The following HUNK variants were observed in gnomAD, a reference collection of about 807,000 sequenced individuals.
The protein encoded by HUNK is hormonally up-regulated neu tumor-associated kinase.
In HUNK, 21 loss-of-function variants were observed where a neutral mutation model predicts 61.0. The ratio of observed to expected loss-of-function variants is 0.34; its 90% CI spans 0.24 to 0.50. The LOEUF (loss-of-function observed/expected upper bound fraction) is 0.50, where lower values mean the gene tolerates loss of function less well. Ranked by LOEUF, HUNK falls within the 20% of genes least tolerant of loss-of-function variation. The pLI, the probability that HUNK is intolerant of heterozygous loss-of-function variation, is 0.98. For missense variants in HUNK, 772 were observed against 945.7 expected (o/e 0.82, Z 2.41); for synonymous variants, 371 against 386.1 (o/e 0.96, Z 0.46).
At position 31,957,599 on chromosome 21, in the gene HUNK, A is replaced by T. The variant is rs1001056108; in HGVS notation, c.747-1244A>T. On this transcript the variant is annotated intron_variant, in intron 4 of 10. Coordinates refer to ENST00000270112, the MANE Select transcript of HUNK (RefSeq NM_014586.2). Reference sequence around the variant, plus strand: ...TATATTCCCTTGGGCGCTTTTGAACACTTGAGACCTCTTGGTAGGCAGGCA... The same window carrying T: ...TATATTCCCTTGGGCGCTTTTGAACTCTTGAGACCTCTTGGTAGGCAGGCA... 2.0e-5 allele frequency among the ~76,000 whole-genome samples: 3 copies of T among 152,318 alleles called. No individual in the cohort carries two copies. The South Asian group carries it at 6.2e-4, about 32-fold the overall frequency.
chr21:31,897,887 GT>G (rs2052436177), intron 1 of HUNK, among the ~76,000 whole-genome samples: 1 of 152,100 alleles, frequency 6.6e-6, no homozygotes, highest in Admixed American at 6.5e-5. Flanking sequence ...GTTCCACCAT[GT>G]TCTATCTTTC....
At chr21:31,927,683 AAGC>A (rs1382635863) in intron 2 of HUNK, among the ~76,000 whole-genome samples, 1 of 151,996 alleles carries the variant, frequency 6.6e-6, no homozygotes, top group Non-Finnish European at 1.5e-5. Flanking sequence ...TCAGTGATGA[AAGC>A]AGCTCCAGGC....
chr21:31,963,617 C>G (rs1328768039), intron 5 of HUNK, among the ~76,000 whole-genome samples: 1 of 152,192 alleles, frequency 6.6e-6, no homozygotes, highest in African/African-American at 2.4e-5. Flanking sequence ...CCGCCTCAGC[C>G]TCCCAAGTAG....
intron 1 of HUNK, among the ~76,000 whole-genome samples, chr21:31,910,964 C>A (rs1479142051): frequency 6.6e-6 from 1 of 152,128 alleles, no homozygotes; most frequent in African/African-American, 2.4e-5. Flanking sequence ...TCAAGTTTTG[C>A]CTATTGGAAC....
chr21:31,937,579 AC>A (rs766247286), intron 2 of HUNK, among the ~76,000 whole-genome samples: 20 of 152,368 alleles, frequency 1.3e-4, no homozygotes, highest in Non-Finnish European at 2.4e-4. Context: ...GAACCACTGC[AC>A]AAGGACTCAA....
In HUNK at chr21:31,958,982, G is replaced by C. The variant is rs768828787; in HGVS notation, c.874+12G>C. On this transcript the variant is annotated intron_variant, in intron 5 of 10. Coordinates refer to ENST00000270112, the MANE Select transcript of HUNK (RefSeq NM_014586.2). ...TCAGCTCTCCACAGGTAATGCACCA[G>C]CTGCTCTAGATCACGGTTCAGGACT... 3.8e-6 allele frequency: 6 copies of C among 1,590,880 alleles called. No individual in the cohort carries two copies. The South Asian group carries it at 6.7e-5, about 18-fold the overall frequency.
chr21:32,001,492 G>A lies in HUNK; in HGVS notation c.*2308G>A, dbSNP rs951069168. The A allele has an allele frequency of 2.0e-5, 3 of 152,478 alleles. No individual in the cohort carries two copies. Among genetic ancestry groups the A allele is most frequent in the African/African-American group, 7.2e-5 (3 of 41,436 alleles). The allele number at this position is 152,478 out of a possible 1,614,324, so 9.4% of individuals were successfully genotyped here. A position where few individuals can be genotyped will look rare whatever the true frequency, so the allele number is the denominator to read the frequency against. On this transcript the variant is annotated 3_prime_UTR_variant, in exon 11 of 11. Coordinates refer to ENST00000270112, the MANE Select transcript of HUNK (RefSeq NM_014586.2). ...CAGGGGTACTTCCGCCTTGCCGTTA[G>A]CTTGTGGAGAACGTGCTTCTTATTC...
intron 4 of HUNK, among the ~76,000 whole-genome samples, chr21:31,956,070 ACT>A (rs1336143557): frequency 2.0e-5 from 3 of 152,090 alleles, no homozygotes; most frequent in Non-Finnish European, 2.9e-5. Context: ...TGTTGAGGAG[ACT>A]CTCAATCATG....
intron 1 of HUNK, among the ~76,000 whole-genome samples, chr21:31,896,651 A>G (rs1179326180): frequency 6.6e-6 from 1 of 152,222 alleles, no homozygotes; most frequent in Non-Finnish European, 1.5e-5. Flanking sequence ...TCTACAAAAC[A>G]CCGTCAAAAG....
chr21:31,888,027 A>T (rs2052359496), intron 1 of HUNK, among the ~76,000 whole-genome samples: 1 of 152,110 alleles, frequency 6.6e-6, no homozygotes, highest in Admixed American at 6.5e-5. Flanking sequence ...GCTGCATGAG[A>T]CAACTTACTC....
At chr21:31,965,373 A>G (rs1287413145) in intron 5 of HUNK, among the ~76,000 whole-genome samples, 1 of 151,874 alleles carries the variant, frequency 6.6e-6, no homozygotes, top group Non-Finnish European at 1.5e-5. Flanking sequence ...TACCTGGGTG[A>G]TGAAATAATC....
intron 1 of HUNK, among the ~76,000 whole-genome samples, chr21:31,890,423 T>C (rs1435961571): frequency 6.6e-6 from 1 of 152,188 alleles, no homozygotes; most frequent in Non-Finnish European, 1.5e-5. Flanking sequence ...GAGACGGGAT[T>C]TCACCATGTT....
At chr21:31,920,162 C>T (rs1001016123) in intron 1 of HUNK, among the ~76,000 whole-genome samples, 10 of 152,134 alleles carry the variant, frequency 6.6e-5, no homozygotes, top group African/African-American at 2.4e-4. Flanking sequence ...CTGTGGCTGC[C>T]CCCTCTGCTT....
intron 1 of HUNK, among the ~76,000 whole-genome samples, chr21:31,881,850 TGC>T (rs2052310422): frequency 6.6e-6 from 1 of 152,194 alleles, no homozygotes; most frequent in Admixed American, 6.5e-5. Context: ...AGATTCTATG[TGC>T]CACACGCTGG....
At chr21:31,907,310 T>G (rs2052512900) in intron 1 of HUNK, among the ~76,000 whole-genome samples, 1 of 152,170 alleles carries the variant, frequency 6.6e-6, no homozygotes, top group Admixed American at 6.5e-5. Flanking sequence ...AAAATATTGG[T>G]CACATGCTGA....
chr21:31,919,347 A>G lies in HUNK; in HGVS notation c.262-5121A>G, dbSNP rs181276374. On this transcript the variant is annotated intron_variant, in intron 1 of 10. Transcript: ENST00000270112. ...AGGAGGATGGGCTAGAGAAAGAGCA[A>G]GAAGTGAGAGAGTGGGGAGAAATGC... 4.6e-5 allele frequency among the ~76,000 whole-genome samples: 7 copies of G among 152,330 alleles called. No individual in the cohort carries two copies. In the East Asian group the frequency reaches 1.4e-3, roughly 29 times the overall value.
At chr21:31,939,258 C>T (rs1490748274) in intron 2 of HUNK, among the ~76,000 whole-genome samples, 1 of 152,136 alleles carries the variant, frequency 6.6e-6, no homozygotes, top group Non-Finnish European at 1.5e-5. Flanking sequence ...AGGACACCAA[C>T]ATCTTTGGAG....
intron 1 of HUNK, among the ~76,000 whole-genome samples, chr21:31,904,902 G>T (rs1169714147): frequency 6.6e-6 from 1 of 152,042 alleles, no homozygotes; most frequent in Non-Finnish European, 1.5e-5. Flanking sequence ...GACCAGCCTG[G>T]CCTCAAACCC....
intron 5 of HUNK, among the ~76,000 whole-genome samples, chr21:31,959,274 T>C (rs893404962): frequency 6.6e-6 from 1 of 152,312 alleles, no homozygotes; most frequent in South Asian, 2.1e-4. Flanking sequence ...TAAAAAATGA[T>C]TGCAGGCTTG....
Sources: gnomAD v4.1 joint callset for allele counts (sites outside exome capture counted in the v4.1 genomes callset) on GRCh38, gnomAD v4.1.1 for gene constraint, MANE v1.5 for transcripts, NCBI Gene and HGNC (gene_info 2026-07-23, HGNC 2026-07-21) for gene names.